LIPG: variants seen among roughly 807,000 people sequenced by gnomAD.
LIPG encodes the protein endothelial lipase.
A neutral mutation model predicts 51.8 loss-of-function variants in LIPG; 34 were observed. That is an observed-to-expected ratio of 0.66 (90% confidence interval 0.50 to 0.87). The LOEUF (loss-of-function observed/expected upper bound fraction) is 0.87, where lower values mean the gene tolerates loss of function less well. Among genes scored for constraint, LIPG ranks in the 40% least tolerant of loss-of-function variants. The probability of loss-of-function intolerance (pLI) is 0.00; values close to 1 mark genes in which losing one functional copy is unlikely to be tolerated. For synonymous variants in LIPG, 246 were observed against 246.1 expected, an observed-to-expected ratio of 1.00 and a Z score of 0.00; for missense variants, 580 against 652.7, an observed-to-expected ratio of 0.89 and a Z score of 1.21.
intron 5 of LIPG, among the ~76,000 whole-genome samples, chr18:49,575,853 T>C (rs187860976): frequency 6.6e-6 from 1 of 151,860 alleles, no homozygotes; most frequent in Non-Finnish European, 1.5e-5. Flanking sequence ...TTTTTTTTTT[T>C]TTGAGAGGGA....
intron 3 of LIPG, 173 bp downstream of exon 3, chr18:49,567,794 T>A (rs999145841): frequency 3.2e-6 from 2 of 633,766 alleles, no homozygotes; most frequent in African/African-American, 3.7e-5. Flanking sequence ...AAGCTGGGAC[T>A]TTTTGAGAGC....
chr18:49,584,937 T>C (rs2084866134), intron 8 of LIPG, among the ~76,000 whole-genome samples: 1 of 152,254 alleles, frequency 6.6e-6, no homozygotes, highest in Non-Finnish European at 1.5e-5. Flanking sequence ...TAAAACATTA[T>C]AGATACAGTT....
intron 9 of LIPG, 44 bp downstream of exon 9, chr18:49,586,894 A>C (rs200827715): frequency 7.3e-7 from 1 of 1,366,452 alleles, no homozygotes; most frequent in East Asian, 2.3e-5. Context: ...ACACGTTGAC[A>C]TGATGATCTC....
chr18:49,569,357 AC>A, intron 3 of LIPG, 79 bp from the exon 4 acceptor site: 1 of 1,183,902 alleles, frequency 8.4e-7, no homozygotes, highest in African/African-American at 1.5e-5. Context: ...CTGCTCCGTG[AC>A]TGAGTTGTTG....
intron 3 of LIPG, among the ~76,000 whole-genome samples, chr18:49,568,098 T>C (rs1439467544): frequency 6.6e-6 from 1 of 152,126 alleles, no homozygotes; most frequent in African/African-American, 2.4e-5. Context: ...GGTGTGATCT[T>C]GGTTCACTGC....
Position 49,583,716 on chromosome 18 carries a change from C to G in LIPG, c.1318C>G (p.Pro440Ala). ...CAGCTACCTGTCTCAACCCCGCAAC[C>G]CCGGACGGGAGCTGAATATCAGGCG... ...FRSYLSQPRNPGRELNIRRIR... is the reference protein window; with the variant it reads ...FRSYLSQPRNAGRELNIRRIR... The change falls in exon 8 of 10, where the codon CCC becomes GCC. Residue 440 changes from proline (P) to alanine (A), a missense_variant. Coordinates refer to ENST00000261292, the MANE Select transcript of LIPG (RefSeq NM_006033.4). 1 of 1,614,120 alleles carries G rather than the reference C, an allele frequency of 6.2e-7. No individual in the cohort carries two copies. The highest frequency in any genetic ancestry group is 8.5e-7 in the Non-Finnish European group (1 of 1,180,026).
chr18:49,569,352 C>A, intron 3 of LIPG, 85 bp from the exon 4 acceptor site: 1 of 1,145,604 alleles, frequency 8.7e-7, no homozygotes, highest in Non-Finnish European at 1.3e-6. Context: ...TCCTCCTGCT[C>A]CGTGACTGAG....
At position 49,567,368 on chromosome 18, in the gene LIPG, T is replaced by C. The variant is rs1448671840; in HGVS notation, c.280-74T>C. On this transcript the variant is annotated intron_variant, in intron 2 of 9. Coordinates refer to ENST00000261292, the MANE Select transcript of LIPG (RefSeq NM_006033.4). ...AAAAAATTAATTGGGAAGAGGGTCA[T>C]ATAGAAAGGAATTCCATATTTTTTA... The C allele has an allele frequency of 3.4e-6, 5 of 1,456,962 alleles. No individual in the cohort carries two copies. In the African/African-American group the frequency reaches 5.6e-5, roughly 16 times the overall value. 90.3% of individuals were successfully genotyped at this position (1,456,962 alleles called of 1,614,324 possible). A position where few individuals can be genotyped will look rare whatever the true frequency, so the allele number is the denominator to read the frequency against.
chr18:49,581,778 C>A (rs576463342), intron 6 of LIPG, 121 bp downstream of exon 6: 4 of 1,248,022 alleles, frequency 3.2e-6, no homozygotes, highest in East Asian at 2.3e-5. Flanking sequence ...CCAATCAAAT[C>A]GTTGCAAATC....
chr18:49,569,389 G>C lies in LIPG; in HGVS notation c.460-48G>C, dbSNP rs1274121716. The C allele has an allele frequency of 2.0e-6, 3 of 1,487,108 alleles. No homozygotes were observed. The South Asian group carries it at 3.4e-5, about 17-fold the overall frequency. The allele number at this position is 1,487,108 out of a possible 1,614,324, so 92.1% of individuals were successfully genotyped here. On this transcript the variant is annotated intron_variant, in intron 3 of 9. Coordinates refer to ENST00000261292, the MANE Select transcript of LIPG (RefSeq NM_006033.4). ...TGTTGAACTGCTGGTGATTCTGGGG[G>C]CTCTGGACCCTGCTCTTCTGCTCAC...
intron 5 of LIPG, among the ~76,000 whole-genome samples, chr18:49,580,911 C>A (rs944342186): frequency 2.0e-4 from 30 of 152,142 alleles, no homozygotes; most frequent in African/African-American, 7.2e-4. Flanking sequence ...GCATGAATGG[C>A]CTTAAATTCC....
chr18:49,565,635 C>G, intron 2 of LIPG, 137 bp downstream of exon 2: 1 of 992,004 alleles, frequency 1.0e-6, no homozygotes, highest in Non-Finnish European at 1.5e-6. Context: ...GTATTTCAGA[C>G]AGCTGTGAAG....
chr18:49,595,267 A>C lies in LIPG; in HGVS notation c.*4745A>C, dbSNP rs144474789. On this transcript the variant is annotated 3_prime_UTR_variant, in exon 10 of 10. Coordinates refer to ENST00000261292, the MANE Select transcript of LIPG (RefSeq NM_006033.4). ...ATTCAATGAATATTTAAATAAATAG[A>C]TGAAATTAGATATAAGAAACTAGGT... The C allele has an allele frequency of 7.9e-4, 121 of 152,318 alleles. No homozygotes were observed. Among genetic ancestry groups the C allele is most frequent in the African/African-American group, 2.8e-3 (116 of 41,572 alleles). The allele number at this position is 152,318 out of a possible 1,614,324, so 9.4% of individuals were successfully genotyped here. A position where few individuals can be genotyped will look rare whatever the true frequency, so the allele number is the denominator to read the frequency against.
Position 49,598,555 on chromosome 18 carries a change from T to TTCTCCTTCTCC in LIPG, c.*8048_*8058dup, listed in dbSNP as rs796868699. 3.9e-5 allele frequency: 6 copies of TTCTCCTTCTCC among 152,716 alleles called. No individual in the cohort carries two copies. Among genetic ancestry groups the TTCTCCTTCTCC allele is most frequent in the African/African-American group, 1.4e-4 (6 of 41,578 alleles). 9.5% of individuals were successfully genotyped at this position (152,716 alleles called of 1,614,324 possible). A position where few individuals can be genotyped will look rare whatever the true frequency, so the allele number is the denominator to read the frequency against. On this transcript the variant is annotated 3_prime_UTR_variant, in exon 10 of 10. Transcript: ENST00000261292. ...TTTCCTTCCCCTTCTCCCTGCTTCT[T>TTCTCCTTCTCC]TCTCCTTCTCCTCTCCTTCTCCTCT...
At chr18:49,562,489 G>A in intron 1 of LIPG, 84 bp downstream of exon 1, 1 of 1,224,744 alleles carries the variant, frequency 8.2e-7, no homozygotes, top group East Asian at 2.4e-5. Flanking sequence ...AACCCTCCTT[G>A]TTCCTATGAA....
upstream of LIPG, chr18:49,561,640 G>T (rs926074427): frequency 4.1e-6 from 5 of 1,223,264 alleles, no homozygotes; most frequent in Non-Finnish European, 5.1e-6. Flanking sequence ...CCCAGGGAGC[G>T]GATAGACCAC....
chr18:49,575,538 C>T lies in LIPG; in HGVS notation c.741C>T (p.Asp247=). 3 of 1,614,230 alleles carry T rather than the reference C, an allele frequency of 1.9e-6. No homozygotes were observed. The highest frequency in any genetic ancestry group is 2.5e-6 in the Non-Finnish European group (3 of 1,180,048). ...GHIDIYPNGG[D]FQPGCGLNDV... is the part of the protein sequence containing the mutation. ...TTGACATCTACCCCAATGGGGGTGA[C>T]TTCCAGCCAGGCTGTGGACTCAACG... is the stretch of plus-strand genomic sequence containing the variant. Residue 247 remains aspartate (D), a synonymous_variant, in exon 5 of 10, where the codon GAC becomes GAT. Transcript: ENST00000261292.
upstream of LIPG, chr18:49,561,966 C>T: frequency 7.2e-7 from 1 of 1,387,588 alleles, no homozygotes; most frequent in African/African-American, 1.4e-5. Flanking sequence ...CAATCAGAGC[C>T]CAGAGACGGG....
At chr18:49,590,474 A>T in intron 9 of LIPG, 27 bp from the exon 10 acceptor site, 1 of 1,596,302 alleles carries the variant, frequency 6.3e-7, no homozygotes, top group Non-Finnish European at 8.6e-7. Flanking sequence ...GAGCTAACAA[A>T]TGCCACTCTC....
Sources: allele counts gnomAD v4.1 joint callset (sites outside exome capture counted in the v4.1 genomes callset), GRCh38; gene constraint gnomAD v4.1.1; transcripts MANE v1.5; gene names NCBI Gene and HGNC (gene_info 2026-07-23, HGNC 2026-07-21).